OCRL: variants seen among roughly 807,000 people sequenced by gnomAD.
The protein encoded by OCRL is OCRL inositol polyphosphate-5-phosphatase, also known as inositol polyphosphate 5-phosphatase OCRL.
A neutral mutation model predicts 78.9 loss-of-function variants in OCRL; 8 were observed. The ratio of observed to expected loss-of-function variants is 0.10; its 90% confidence interval spans 0.06 to 0.18. The LOEUF (loss-of-function observed/expected upper bound fraction) is 0.18, where lower values mean the gene tolerates loss of function less well. Ranked by LOEUF, OCRL falls within the 10% of genes least tolerant of loss-of-function variation. The pLI, the probability that OCRL is intolerant of heterozygous loss-of-function variation, is 1.00. For missense variants in OCRL, 454 were observed against 696.7 expected (o/e 0.65, Z 3.92); for synonymous variants, 240 against 235.4 (o/e 1.02, Z -0.18).
intron 15 of OCRL, among the ~76,000 whole-genome samples, chrX:129,572,319 G>A (rs1044631424): frequency 1.8e-5 from 2 of 111,604 alleles, no homozygotes; most frequent in African/African-American, 6.5e-5. Context: ...TAAAGACCTA[G>A]CTCATTGTAC....
At chrX:129,547,816 G>A (rs139676504) in intron 3 of OCRL, among the ~76,000 whole-genome samples, 3,587 of 111,553 alleles carry the variant, frequency 0.032, 72 homozygotes, top group Non-Finnish European at 0.05. Context: ...GTAGATCCAG[G>A]CTAATCCCAA....
Position 129,589,953 on chromosome X carries a change from A to G in OCRL, c.2578A>G (p.Ile860Val). Residue 860 changes from isoleucine to valine, a missense_variant, in exon 23 of 24, where the codon ATC becomes GTC. Physicochemically the swap from Ile to Val is conservative, Grantham distance 29. Around this residue, in one of 2 missense-constraint regions of OCRL, gnomAD observed 277 missense variants for 517.1 expected, o/e 0.54. Coordinates refer to ENST00000371113, the MANE Select transcript of OCRL (RefSeq NM_000276.4). ...ATACAATAGCGTCAATGCCAACATG[A>G]TCGGTAAGAGTGCTTCATGCAACAC... is the stretch of plus-strand genomic sequence containing the variant. ...SEYNSVNANM[I>V]ATLFTSLLLR... 1 of 1,192,428 alleles carries G rather than the reference A, an allele frequency of 8.4e-7. No individual in the cohort carries two copies. Among genetic ancestry groups the G allele is most frequent in the Non-Finnish European group, 1.1e-6 (1 of 877,785 alleles).
At chrX:129,568,125 C>T (rs1936246447) in intron 14 of OCRL, among the ~76,000 whole-genome samples, 1 of 109,186 alleles carries the variant, frequency 9.2e-6, no homozygotes. Context: ...ACCTTGTTAG[C>T]CAGGATGGTC....
intron 14 of OCRL, among the ~76,000 whole-genome samples, chrX:129,567,947 C>A (rs1754377331): frequency 9.7e-6 from 1 of 102,711 alleles, no homozygotes; most frequent in East Asian, 3.1e-4. Context: ...CGCTCTGTCG[C>A]CCAGGCCGGA....
intron 18 of OCRL, among the ~76,000 whole-genome samples, chrX:129,579,369 T>G (rs1428161408): frequency 8.9e-6 from 1 of 111,843 alleles, no homozygotes; most frequent in Non-Finnish European, 1.9e-5. Flanking sequence ...ATTTCAAATC[T>G]CATGAGATGA....
At chrX:129,540,865 A>G (rs745789434) in intron 2 of OCRL, 42 bp downstream of exon 2, 4 of 1,082,218 alleles carry the variant, frequency 3.7e-6, no homozygotes, top group Admixed American at 4.4e-5. Flanking sequence ...GGAGCCTGCC[A>G]TTACCTCCCA....
At chrX:129,555,654 T>G (rs1473586534) in intron 4 of OCRL, among the ~76,000 whole-genome samples, 1 of 111,540 alleles carries the variant, frequency 9.0e-6, no homozygotes, top group Non-Finnish European at 1.9e-5. Flanking sequence ...AGTCTTGAGG[T>G]AATTTGTTTT....
chrX:129,555,030 C>T lies in OCRL; in HGVS notation c.239-2295C>T, dbSNP rs1346854337. Among the ~76,000 whole-genome samples the T allele has an allele frequency of 5.5e-5, 6 of 109,714 alleles. No homozygotes were observed. In the East Asian group the frequency reaches 8.5e-4, roughly 15 times the overall value. ...ATAAGAGGGTTGTAGGAGAAGTGCTCCTCCTAGGGACCAGCCAGTTTTGCA... is the reference window on the plus strand; with the variant it reads ...ATAAGAGGGTTGTAGGAGAAGTGCTTCTCCTAGGGACCAGCCAGTTTTGCA... On this transcript the variant is annotated intron_variant, in intron 4 of 23. Transcript: ENST00000371113.
rs1260953715 is a variant in OCRL, at chrX:129,590,419, T to C, written c.*149T>C. On this transcript the variant is annotated 3_prime_UTR_variant, in exon 24 of 24. Transcript: ENST00000371113. ...AAAAGGAAGAGCGTTTCCTAATCCCTCCTTTACCATATCCTACACAGAAAA... is the reference window on the plus strand; with the variant it reads ...AAAAGGAAGAGCGTTTCCTAATCCCCCCTTTACCATATCCTACACAGAAAA... 8 of 674,659 alleles carry C rather than the reference T, an allele frequency of 1.2e-5. No homozygotes were observed. Among genetic ancestry groups the C allele is most frequent in the Non-Finnish European group, 1.9e-5 (8 of 431,912 alleles). The allele number at this position is 674,659 out of a possible 1,213,427, so 55.6% of individuals were successfully genotyped here. A position where few individuals can be genotyped will look rare whatever the true frequency, so the allele number is the denominator to read the frequency against.
Position 129,540,426 on chromosome X carries a change from C to T in OCRL, c.-14C>T. ...CCGCAGTCCGCTGTCCTGCTGAGCC[C>T]GGAGGCCGCCTGGATGGAGCCGCCG... On this transcript the variant is annotated 5_prime_UTR_variant, in exon 1 of 24. Coordinates refer to ENST00000371113, the MANE Select transcript of OCRL (RefSeq NM_000276.4). The T allele has an allele frequency of 8.7e-7, 1 of 1,147,011 alleles. No individual in the cohort carries two copies. Among genetic ancestry groups the T allele is most frequent in the Non-Finnish European group, 1.2e-6 (1 of 866,361 alleles). 94.5% of individuals were successfully genotyped at this position (1,147,011 alleles called of 1,213,427 possible).
chrX:129,540,458 G>C lies in OCRL; in HGVS notation c.19G>C (p.Val7Leu). 1 of 1,155,859 alleles carries C rather than the reference G, an allele frequency of 8.7e-7. No homozygotes were observed. The highest frequency in any genetic ancestry group is 1.9e-5 in the South Asian group (1 of 52,429). Residue 7 changes from valine (V) to leucine (L), a missense_variant, in exon 1 of 24, where the codon GTC (valine) becomes CTC (leucine). Transcript: ENST00000371113. MEPPLP[V>L]GAQPLATVEG... The stretch of plus-strand genomic sequence containing the variant: ...CGCCTGGATGGAGCCGCCGCTCCCG[G>C]TCGGAGCCCAGCCGCTTGCCGTATC...
Position 129,557,953 on chromosome X carries a change from A to G in OCRL, c.439+3A>G, listed in dbSNP as rs61752971. The G allele has an allele frequency of 3.3e-3, 3,793 of 1,136,037 alleles. 2 individuals are homozygous for G. The highest frequency in any genetic ancestry group is 4.0e-3 in the Non-Finnish European group (3,274 of 827,291). The allele number at this position is 1,136,037 out of a possible 1,213,427, so 93.6% of individuals were successfully genotyped here. A position where few individuals can be genotyped will look rare whatever the true frequency, so the allele number is the denominator to read the frequency against. On this transcript the variant is annotated splice_donor_region_variant and intron_variant, in intron 6 of 23. Transcript: ENST00000371113. ...GGACAAACCTTCTGTTTTTTCAGGT[A>G]CTAAAAAGTTCCTGGTTTCCTTGTT...
chrX:129,557,926 A>G lies in OCRL; in HGVS notation c.415A>G (p.Lys139Glu). ...SSSWYQKLDT[K>E]DKPSVFSGLL... The stretch of plus-strand genomic sequence containing the variant: ...TAGCTGGTACCAGAAATTAGACACT[A>G]AGGACAAACCTTCTGTTTTTTCAGG... The change falls in exon 6 of 24, where the codon AAG (lysine) becomes GAG (glutamate). Residue 139 changes from lysine to glutamate, a missense_variant. Transcript: ENST00000371113. 6.7e-6 allele frequency: 8 copies of G among 1,194,858 alleles called. No homozygotes were observed. The highest frequency in any genetic ancestry group is 9.1e-6 in the Non-Finnish European group (8 of 879,951).
intron 12 of OCRL, among the ~76,000 whole-genome samples, chrX:129,565,345 C>T (rs1163917482): frequency 1.8e-5 from 2 of 111,924 alleles, no homozygotes; most frequent in East Asian, 5.6e-4. Context: ...GGAGAGCTGT[C>T]ACTCAGACCA....
Position 129,590,504 on chromosome X carries a change from C to T in OCRL, c.*234C>T. 2.5e-6 allele frequency: 1 copy of T among 401,435 alleles called. No individual in the cohort carries two copies. Among genetic ancestry groups the T allele is most frequent in the Non-Finnish European group, 4.3e-6 (1 of 231,914 alleles). 33.1% of individuals were successfully genotyped at this position (401,435 alleles called of 1,213,427 possible). A position where few individuals can be genotyped will look rare whatever the true frequency, so the allele number is the denominator to read the frequency against. Reference sequence around the variant, plus strand: ...CCATATTTTGGTGTTTTTGTGTTTTCTCTTTATAAGGCAAAAAGATCTGTA... The same window carrying T: ...CCATATTTTGGTGTTTTTGTGTTTTTTCTTTATAAGGCAAAAAGATCTGTA... On this transcript the variant is annotated 3_prime_UTR_variant, in exon 24 of 24. Transcript: ENST00000371113.
In OCRL at chrX:129,548,590, T is replaced by C. The variant is rs1935920759; in HGVS notation, c.227T>C (p.Ile76Thr). 8.3e-7 allele frequency: 1 copy of C among 1,198,817 alleles called. No homozygotes were observed. The highest frequency in any genetic ancestry group is 1.1e-6 in the Non-Finnish European group (1 of 885,177). Residue 76 changes from isoleucine to threonine, a missense_variant, in exon 4 of 24, where the codon ATA becomes ACA. This residue lies in a region of OCRL where 177 missense variants were observed against 179.6 expected (regional missense o/e 0.99). Transcript: ENST00000371113. ...GCAGAAGAAACTCTTTTGATTGACA[T>C]AGCTTCTAACAGTGAGTATCTTTCT... is the stretch of plus-strand genomic sequence containing the variant. ...QEAEETLLIDIASNSGCKIRV... is the reference protein window; with the variant it reads ...QEAEETLLIDTASNSGCKIRV...
intron 14 of OCRL, 24 bp from the exon 15 acceptor site, chrX:129,569,240 T>C: frequency 8.3e-7 from 1 of 1,209,193 alleles, no homozygotes. Flanking sequence ...ATGTTCTCTT[T>C]ATAACTCGTT....
At chrX:129,589,230 T>C in intron 22 of OCRL, 2 of 434,124 alleles carry the variant, frequency 4.6e-6, no homozygotes, top group Non-Finnish European at 8.2e-6. Flanking sequence ...CCTATTTCTG[T>C]TTACAGAAAA....
intron 3 of OCRL, among the ~76,000 whole-genome samples, chrX:129,547,326 C>T (rs752906679): frequency 2.7e-5 from 3 of 109,832 alleles, no homozygotes; most frequent in East Asian, 5.7e-4. Context: ...GAGATTGAGA[C>T]CATCCTGGCT....
Sources: gnomAD v4.1 joint callset for allele counts (sites outside exome capture counted in the v4.1 genomes callset) on GRCh38, gnomAD v4.1.1 for gene constraint, gnomAD v4.1.1 regional missense constraint, MANE v1.5 for transcripts, NCBI Gene and HGNC (gene_info 2026-07-23, HGNC 2026-07-21) for gene names.